ART1: variants seen among roughly 807,000 people sequenced by gnomAD.
ART1 encodes the protein ADP-ribosyltransferase 1, also known as GPI-linked NAD(P)(+)--arginine ADP-ribosyltransferase 1.
Under a neutral mutation model 27.0 loss-of-function variants are expected in ART1, and 29 were observed. That is an observed-to-expected ratio of 1.08 (90% CI 0.80 to 1.47). ART1 has a LOEUF of 1.47. Among genes scored for constraint, ART1 ranks in the 40% most tolerant of loss-of-function variants. The pLI is 0.00. For synonymous variants in ART1, 201 were observed against 172.2 expected, an observed-to-expected ratio of 1.17 and a Z score of -1.31; for missense variants, 480 against 423.0, an observed-to-expected ratio of 1.13 and a Z score of -1.18.
intron 4 of ART1, 50 bp from the exon 5 acceptor site, chr11:3,664,042 T>A (rs2077642179): frequency 4.4e-6 from 7 of 1,588,100 alleles, no homozygotes; most frequent in Non-Finnish European, 6.0e-6. Context: ...CCTAAATACC[T>A]CTTTTTTTCT....
At chr11:3,660,412 A>G (rs1310222825) in intron 3 of ART1, 49 bp downstream of exon 3, 5 of 1,552,136 alleles carry the variant, frequency 3.2e-6, no homozygotes, top group Non-Finnish European at 4.3e-6. Context: ...TGGACCTTCC[A>G]CATCCACCAG....
At chr11:3,661,293 T>A in intron 3 of ART1, 79 bp from the exon 4 acceptor site, 1 of 1,331,260 alleles carries the variant, frequency 7.5e-7, no homozygotes, top group Non-Finnish European at 1.0e-6. Context: ...AAGTCAGGGA[T>A]GGACTACCAG....
At chr11:3,656,146 CT>C (rs2077573004) in intron 1 of ART1, among the ~76,000 whole-genome samples, 1 of 151,896 alleles carries the variant, frequency 6.6e-6, no homozygotes, top group African/African-American at 2.4e-5. Context: ...GTTGGCCAGT[CT>C]GGTTTCAAAC....
intron 4 of ART1, among the ~76,000 whole-genome samples, chr11:3,663,063 CTCATCTCATCTCA>C (rs1564786952): frequency 5.2e-5 from 5 of 95,652 alleles, no homozygotes; most frequent in East Asian, 3.2e-4. Flanking sequence ...CTCATCTCAT[CTCATCTCATCTCA>C]TCATCTCATC....
chr11:3,655,663 C>G (rs981828778), intron 1 of ART1: 12 of 152,218 alleles, frequency 7.9e-5, no homozygotes, highest in Non-Finnish European at 1.6e-4. Flanking sequence ...CAGGTACACT[C>G]TCTTTTACCC....
intron 1 of ART1, among the ~76,000 whole-genome samples, chr11:3,649,086 G>A (rs1184421968): frequency 6.6e-6 from 1 of 151,768 alleles, no homozygotes; most frequent in Non-Finnish European, 1.5e-5. Flanking sequence ...CCGCTTTTCT[G>A]GAGGGTAAGA....
intron 4 of ART1, among the ~76,000 whole-genome samples, chr11:3,662,865 CAA>C (rs369304562): frequency 1.3e-5 from 2 of 151,758 alleles, no homozygotes; most frequent in Non-Finnish European, 2.9e-5. Flanking sequence ...AAAACAAAAA[CAA>C]AAAAAATCAA....
rs1044969040 is a variant in ART1 at position 3,662,016 on chromosome 11, G to A, written c.886+603G>A. ...CCCTGAGAGATTCAGGCTGCACTGA[G>A]GTGAGGGACAGAAGGGCTGCTCCCC... On this transcript the variant is annotated intron_variant, in intron 4 of 4. Transcript: ENST00000250693. Among the ~76,000 whole-genome samples the A allele has an allele frequency of 2.6e-5, 4 of 152,172 alleles. No individual in the cohort carries two copies. The East Asian group carries it at 5.8e-4, about 22-fold the overall frequency.
Position 3,653,445 on chromosome 11 carries a change from T to C in ART1, c.-52-5717T>C, listed in dbSNP as rs995220727. 6.1e-5 allele frequency among the ~76,000 whole-genome samples: 9 copies of C among 147,802 alleles called. 1 individual carries two copies. Among genetic ancestry groups the C allele is most frequent in the African/African-American group, 2.1e-4 (8 of 37,676 alleles). Reference sequence around the variant, plus strand: ...CTACTGCGCACCTTGTGACCCCCACTCTGACTGCCAGAGAACAACCCCCCT... The same window carrying C: ...CTACTGCGCACCTTGTGACCCCCACCCTGACTGCCAGAGAACAACCCCCCT... On this transcript the variant is annotated intron_variant, in intron 1 of 4. Transcript: ENST00000250693.
intron 4 of ART1, among the ~76,000 whole-genome samples, chr11:3,662,812 C>T (rs993632377): frequency 6.6e-6 from 1 of 152,176 alleles, no homozygotes; most frequent in Non-Finnish European, 1.5e-5. Context: ...CCATTGCACT[C>T]CAGCCTGGGC....
Position 3,660,050 on chromosome 11 carries a change from G to A in ART1, c.531G>A (p.Val177=), listed in dbSNP as rs1322273266. ...SGQRPPRCHQ[V]FRGVHGLRFR... is the part of the protein sequence containing the mutation. ...AGCGTCCACCCCGGTGCCACCAGGT[G>A]TTCCGAGGTGTGCACGGCCTGCGCT... The change falls in exon 3 of 5, where the codon GTG becomes GTA. Residue 177 remains valine, a synonymous_variant. Coordinates refer to ENST00000250693, the MANE Select transcript of ART1 (RefSeq NM_004314.3). 1.9e-6 allele frequency: 3 copies of A among 1,613,578 alleles called. No homozygotes were observed. The South Asian group carries it at 3.3e-5, about 18-fold the overall frequency.
At chr11:3,653,764 T>C (rs1213286508) in intron 1 of ART1, among the ~76,000 whole-genome samples, 1 of 151,888 alleles carries the variant, frequency 6.6e-6, no homozygotes, top group Non-Finnish European at 1.5e-5. Context: ...CCATCAGACA[T>C]CAAGTCTTGT....
At position 3,652,708 on chromosome 11, in the gene ART1, A is replaced by G. The variant is rs1047261546; in HGVS notation, c.-52-6454A>G. The stretch of plus-strand genomic sequence containing the variant: ...CTGTCTAGTCATACTCCTATTCACC[A>G]TTCTCAACTACTCATACATGTCCTG... On this transcript the variant is annotated intron_variant, in intron 1 of 4. Coordinates refer to ENST00000250693, the MANE Select transcript of ART1 (RefSeq NM_004314.3). Among the ~76,000 whole-genome samples, 726 of 151,758 alleles carry G rather than the reference A, an allele frequency of 4.8e-3. 5 individuals are homozygous for G. Among genetic ancestry groups the G allele is most frequent in the African/African-American group, 0.017 (695 of 41,142 alleles).
At chr11:3,651,905 C>T (rs1163946179) in intron 1 of ART1, among the ~76,000 whole-genome samples, 7 of 150,852 alleles carry the variant, frequency 4.6e-5, no homozygotes, top group East Asian at 1.9e-4. Context: ...ACCCTGATCA[C>T]GCTTGATTTA....
intron 1 of ART1, among the ~76,000 whole-genome samples, chr11:3,647,634 AAAAT>A (rs1262039892): frequency 6.6e-6 from 1 of 151,432 alleles, no homozygotes; most frequent in Non-Finnish European, 1.5e-5. Flanking sequence ...ACCCTGTCTC[AAAAT>A]AAATAAATAA....
intron 1 of ART1, among the ~76,000 whole-genome samples, chr11:3,647,169 T>C (rs2077474816): frequency 6.6e-6 from 1 of 150,920 alleles, no homozygotes; most frequent in Non-Finnish European, 1.5e-5. Flanking sequence ...ACTAAAAATA[T>C]AAAATTAGCC....
intron 1 of ART1, among the ~76,000 whole-genome samples, chr11:3,650,529 C>G (rs61878516): frequency 6.6e-6 from 1 of 152,160 alleles, no homozygotes; most frequent in African/African-American, 2.4e-5. Context: ...GCTACCCACT[C>G]CACATTACCT....
chr11:3,659,249 G>A lies in ART1; in HGVS notation c.36G>A (p.Val12=). 1.9e-6 allele frequency: 3 copies of A among 1,614,184 alleles called. No homozygotes were observed. Among genetic ancestry groups the A allele is most frequent in the Non-Finnish European group, 2.5e-6 (3 of 1,180,040 alleles). The change falls in exon 2 of 5, where the codon GTG becomes GTA. Residue 12 remains valine (V), a synonymous_variant. Transcript: ENST00000250693. ...CTGCTATGATGTCTCTGCTTCTTGT[G>A]TCTGTGGGCCTCATGGAAGCACTTC... ...QMPAMMSLLL[V]SVGLMEALQA... is the part of the protein sequence containing the mutation.
Position 3,661,410 on chromosome 11 carries a change from T to C in ART1, c.883T>C (p.Ser295Pro), listed in dbSNP as rs1290120060. 1.2e-5 allele frequency: 19 copies of C among 1,612,340 alleles called. No individual in the cohort carries two copies. The highest frequency in any genetic ancestry group is 1.6e-5 in the Non-Finnish European group (19 of 1,179,524). Residue 295 changes from serine to proline, a missense_variant, in exon 4 of 5, where the codon TCA becomes CCA. Transcript: ENST00000250693. ...GTCTGGGCCTTGCCATCTGGATAAT[T>C]CAGGTAAGGGCTGCAGGCACCTGTG... ...CKSGPCHLDN[S>P]AMGQSPLSAV...
Sources: allele counts gnomAD v4.1 joint callset (sites outside exome capture counted in the v4.1 genomes callset), GRCh38; gene constraint gnomAD v4.1.1; transcripts MANE v1.5; gene names NCBI Gene and HGNC (gene_info 2026-07-23, HGNC 2026-07-21).